The following HSD17B13 variants were observed in gnomAD, a reference collection of about 807,000 sequenced individuals.
The protein encoded by HSD17B13 is 17-beta-hydroxysteroid dehydrogenase 13.
Under a neutral mutation model 31.1 loss-of-function variants are expected in HSD17B13, and 26 were observed. That is an observed-to-expected ratio of 0.84 (90% CI 0.61 to 1.16). HSD17B13 has a LOEUF of 1.16. HSD17B13 is among the 50% of genes most tolerant of loss of function. The pLI is 0.00. For synonymous variants in HSD17B13, 141 were observed against 133.7 expected (o/e 1.05, Z -0.38); for missense variants, 374 against 366.5 (o/e 1.02, Z -0.17).
Position 87,305,009 on chromosome 4 carries a change from AGGAAAAAC to A in HSD17B13, c.*201_*208del, listed in dbSNP as rs1734355852. 1 of 395,984 alleles carries A rather than the reference AGGAAAAAC, an allele frequency of 2.5e-6. No homozygotes were observed. Among genetic ancestry groups the A allele is most frequent in the East Asian group, 3.8e-5 (1 of 26,514 alleles). The allele number at this position is 395,984 out of a possible 1,614,324, so 24.5% of individuals were successfully genotyped here. A position where few individuals can be genotyped will look rare whatever the true frequency, so the allele number is the denominator to read the frequency against. ...CACAGAAGTTTTTAAGAGGCATGAA[AGGAAAAAC>A]AGACCTATGAAAAACTACGTAAATA... On this transcript the variant is annotated 3_prime_UTR_variant, in exon 7 of 7. Coordinates refer to ENST00000328546, the MANE Select transcript of HSD17B13 (RefSeq NM_178135.5).
intron 6 of HSD17B13, among the ~76,000 whole-genome samples, chr4:87,308,645 C>T (rs985170094): frequency 2.0e-5 from 3 of 149,838 alleles, no homozygotes; most frequent in Non-Finnish European, 3.0e-5. Flanking sequence ...TGTGCCACTG[C>T]ACTCCAGCCT....
rs2110094912 is a variant in HSD17B13 at position 87,304,086 on chromosome 4, G to T, written c.*1132C>A. The stretch of plus-strand genomic sequence containing the variant: ...GCACTTTGGGAGGCCGAGGCAGGTG[G>T]ATCACGAGGTCAGGAGATCGAGACC... On this transcript the variant is annotated 3_prime_UTR_variant, in exon 7 of 7. Transcript: ENST00000328546. The T allele has an allele frequency of 6.6e-6, 1 of 151,954 alleles. No homozygotes were observed. Among genetic ancestry groups the T allele is most frequent in the South Asian group, 2.1e-4 (1 of 4,812 alleles). The allele number at this position is 151,954 out of a possible 1,614,324, so 9.4% of individuals were successfully genotyped here.
At chr4:87,309,858 C>G (rs1052793333) in intron 6 of HSD17B13, among the ~76,000 whole-genome samples, 4 of 152,014 alleles carry the variant, frequency 2.6e-5, no homozygotes, top group African/African-American at 9.7e-5. Flanking sequence ...GAAAGATGCT[C>G]CATAATAATA....
chr4:87,320,227 A>G (rs945838399), intron 1 of HSD17B13, among the ~76,000 whole-genome samples: 1 of 152,108 alleles, frequency 6.6e-6, no homozygotes, highest in African/African-American at 2.4e-5. Context: ...GTAAAAAAAG[A>G]ATAGGAGAGT....
intron 1 of HSD17B13, among the ~76,000 whole-genome samples, chr4:87,318,797 CAA>C (rs1158406945): frequency 0.093 from 7,777 of 83,364 alleles, 264 homozygotes; most frequent in African/African-American, 0.15. Context: ...GACTCTGTCT[CAA>C]AAAAAAAAAA....
intron 6 of HSD17B13, among the ~76,000 whole-genome samples, chr4:87,309,209 C>G (rs1734468045): frequency 6.6e-6 from 1 of 151,278 alleles, no homozygotes; most frequent in Non-Finnish European, 1.5e-5. Context: ...ATGGTGAAAC[C>G]CTGTCTCTAC....
At chr4:87,311,412 T>A (rs1297148600) in intron 5 of HSD17B13, among the ~76,000 whole-genome samples, 2 of 152,122 alleles carry the variant, frequency 1.3e-5, no homozygotes, top group African/African-American at 2.4e-5. Context: ...TCTCTTGGGG[T>A]CTGGATTGGA....
chr4:87,309,260 T>A (rs893133764), intron 6 of HSD17B13, among the ~76,000 whole-genome samples: 1 of 151,606 alleles, frequency 6.6e-6, no homozygotes, highest in South Asian at 2.1e-4. Flanking sequence ...GGCAGGTGCC[T>A]GTAATCCCAG....
rs1680328012 is a variant in HSD17B13, at chr4:87,305,284, C to T, written c.837G>A (p.Ala279=). The T allele has an allele frequency of 1.9e-6, 3 of 1,605,052 alleles. No individual in the cohort carries two copies. Among genetic ancestry groups the T allele is most frequent in the Non-Finnish European group, 2.5e-6 (3 of 1,177,710 alleles). ...GAATATTCTGCATACGATTTAAAAT[C>T]GCTGAGGCGCGTTCAGGAAGAAACC... ...LQKFLPERAS[A]ILNRMQNIQF... Residue 279 remains alanine, a synonymous_variant, in exon 7 of 7, where the codon GCG becomes GCA. Transcript: ENST00000328546.
intron 6 of HSD17B13, among the ~76,000 whole-genome samples, chr4:87,306,905 TAAAAAA>T (rs67775053): frequency 9.0e-5 from 4 of 44,284 alleles, no homozygotes; most frequent in African/African-American, 1.2e-4. Flanking sequence ...AGACCCAATC[TAAAAAA>T]AAAAAAAAAA....
At chr4:87,314,689 C>T (rs548435191) in intron 4 of HSD17B13, among the ~76,000 whole-genome samples, 1 of 151,280 alleles carries the variant, frequency 6.6e-6, no homozygotes, top group Admixed American at 6.6e-5. Flanking sequence ...CACAAGCACA[C>T]TGTAAAATGT....
At chr4:87,305,457 C>T in intron 6 of HSD17B13, 149 bp from the exon 7 acceptor site, 2 of 474,106 alleles carry the variant, frequency 4.2e-6, no homozygotes, top group South Asian at 4.4e-5. Context: ...AACCACCTCT[C>T]TTTTACGTGT....
intron 6 of HSD17B13, 120 bp from the exon 7 acceptor site, chr4:87,305,428 C>T (rs1734369195): frequency 4.0e-6 from 2 of 504,774 alleles, no homozygotes; most frequent in Non-Finnish European, 6.7e-6. Flanking sequence ...AACTTTCCTC[C>T]GTTCTTTTCT....
Position 87,313,820 on chromosome 4 carries a change from T to C in HSD17B13, c.695+3A>G, listed in dbSNP as rs1560748509. 1.9e-6 allele frequency: 3 copies of C among 1,610,862 alleles called. No homozygotes were observed. Among genetic ancestry groups the C allele is most frequent in the Non-Finnish European group, 1.7e-6 (2 of 1,178,454 alleles). On this transcript the variant is annotated splice_donor_region_variant and intron_variant, in intron 5 of 6. Transcript: ENST00000328546. The stretch of plus-strand genomic sequence containing the variant: ...ACCCATTCTAACTTGATTTTGACCT[T>C]ACCTTGTGCTTGGATTTTTGGTGAA...
At chr4:87,306,995 T>C (rs1470379372) in intron 6 of HSD17B13, among the ~76,000 whole-genome samples, 2 of 150,178 alleles carry the variant, frequency 1.3e-5, no homozygotes, top group African/African-American at 2.5e-5. Context: ...GAAAGTCATA[T>C]TGAAAATCAC....
chr4:87,308,841 A>T (rs1734453802), intron 6 of HSD17B13, among the ~76,000 whole-genome samples: 1 of 151,696 alleles, frequency 6.6e-6, no homozygotes, highest in African/African-American at 2.4e-5. Flanking sequence ...AAGAATTAAT[A>T]AGTAAATTGA....
intron 6 of HSD17B13, among the ~76,000 whole-genome samples, chr4:87,309,384 CAAAAAAAAAAAAAAAA>C (rs369280214): frequency 0.17 from 8,718 of 50,472 alleles, 441 homozygotes; most frequent in African/African-American, 0.28. Context: ...AACTCTGTCT[CAAAAAAAAAAAAAAAA>C]AAAAAAAAAA....
chr4:87,315,627 G>A (rs371301034), intron 3 of HSD17B13, 28 bp from the exon 4 acceptor site: 11 of 1,423,912 alleles, frequency 7.7e-6, no homozygotes, highest in East Asian at 7.0e-5. Context: ...AAAGAAGAAA[G>A]ACAATGACAT....
At position 87,315,478 on chromosome 4, in the gene HSD17B13, G is replaced by C; in HGVS notation, c.557+15C>G. The stretch of plus-strand genomic sequence containing the variant: ...AGTATAAAAATATATAACATGGCTG[G>C]CATGTGATACTTACCAATATGGGAT... On this transcript the variant is annotated intron_variant, in intron 4 of 6. Transcript: ENST00000328546. 7.0e-7 allele frequency: 1 copy of C among 1,434,232 alleles called. No homozygotes were observed. The highest frequency in any genetic ancestry group is 9.8e-7 in the Non-Finnish European group (1 of 1,022,154). The allele number at this position is 1,434,232 out of a possible 1,614,324, so 88.8% of individuals were successfully genotyped here.
Sources: allele counts gnomAD v4.1 joint callset (sites outside exome capture counted in the v4.1 genomes callset), GRCh38; gene constraint gnomAD v4.1.1; transcripts MANE v1.5; gene names NCBI Gene and HGNC (gene_info 2026-07-23, HGNC 2026-07-21).